Variants in COBL observed in about 807,000 individuals in gnomAD.
The protein encoded by COBL is cordon-bleu WH2 repeat protein.
Under a neutral mutation model 98.8 loss-of-function variants are expected in COBL, and 51 were observed. That is an observed-to-expected ratio of 0.52 (90% CI 0.41 to 0.65). The LOEUF is 0.65. COBL is among the 30% of genes least tolerant of loss of function. The probability of loss-of-function intolerance (pLI) is 0.00; values close to 1 mark genes in which losing one functional copy is unlikely to be tolerated. For synonymous variants in COBL, 634 were observed against 651.7 expected, an observed-to-expected ratio of 0.97 and a Z score of 0.41; for missense variants, 1,617 against 1,617.5, an observed-to-expected ratio of 1.00 and a Z score of 0.01.
chr7:51,209,549 A>G lies in COBL; in HGVS notation c.245+10192T>C, dbSNP rs185090930. 3.2e-4 allele frequency among the ~76,000 whole-genome samples: 49 copies of G among 152,342 alleles called. No homozygotes were observed. The East Asian group carries it at 7.7e-3, about 24-fold the overall frequency. ...CTCCAGGAAACAAAACAGGGAGAAC[A>G]TCACTATGCACATGCAGACACGACA... is the stretch of plus-strand genomic sequence containing the variant. On this transcript the variant is annotated intron_variant, in intron 2 of 12. Coordinates refer to ENST00000265136, the MANE Select transcript of COBL (RefSeq NM_015198.5).
intron 7 of COBL, among the ~76,000 whole-genome samples, chr7:51,044,787 G>A (rs1373412876): frequency 1.3e-5 from 2 of 152,134 alleles, no homozygotes; most frequent in Non-Finnish European, 1.5e-5. Flanking sequence ...CATCACAATT[G>A]CACTCAACAT....
intron 2 of COBL, among the ~76,000 whole-genome samples, chr7:51,203,439 G>A (rs1405203295): frequency 4.7e-5 from 5 of 106,186 alleles, no homozygotes; most frequent in Admixed American, 9.0e-5. Flanking sequence ...TCCAGCCTGG[G>A]CGACAGAGCG....
At chr7:51,084,871 C>T (rs1309642680) in intron 7 of COBL, among the ~76,000 whole-genome samples, 2 of 152,096 alleles carry the variant, frequency 1.3e-5, no homozygotes, top group African/African-American at 4.8e-5. Flanking sequence ...AGACACACGT[C>T]GCACACTCAC....
At chr7:51,226,520 C>T (rs1563062219) in intron 1 of COBL, among the ~76,000 whole-genome samples, 2 of 87,262 alleles carry the variant, frequency 2.3e-5, no homozygotes, top group African/African-American at 3.7e-5. Flanking sequence ...GTCACCACTG[C>T]GTTGAGTGAG....
intron 1 of COBL, among the ~76,000 whole-genome samples, chr7:51,284,613 G>A (rs1240909594): frequency 4.0e-5 from 6 of 151,864 alleles, no homozygotes; most frequent in Non-Finnish European, 2.9e-5. Flanking sequence ...TGGATCATGA[G>A]GTCAGGAGTT....
chr7:51,160,424 C>T (rs972236130), intron 5 of COBL, among the ~76,000 whole-genome samples: 1 of 152,146 alleles, frequency 6.6e-6, no homozygotes, highest in African/African-American at 2.4e-5. Context: ...CTTTGATTCA[C>T]GAATACATTT....
chr7:51,235,949 T>C (rs1795215261), intron 1 of COBL, among the ~76,000 whole-genome samples: 1 of 151,974 alleles, frequency 6.6e-6, no homozygotes, highest in Non-Finnish European at 1.5e-5. Flanking sequence ...ACACTTCAGC[T>C]TGGCTAAAGA....
rs185817241 is a variant in COBL at position 51,247,464 on chromosome 7, T to C, written c.42-27520A>G. On this transcript the variant is annotated intron_variant, in intron 1 of 12. Coordinates refer to ENST00000265136, the MANE Select transcript of COBL (RefSeq NM_015198.5). ...GGAAACGAAATAGGAATTTTTAAAA[T>C]CTTACACTTCAAGACAACTGGTTGG... is the stretch of plus-strand genomic sequence containing the variant. Among the ~76,000 whole-genome samples the C allele has an allele frequency of 8.3e-4, 127 of 152,364 alleles. 4 individuals are homozygous for C. The highest frequency in any genetic ancestry group is 2.2e-4 in the Non-Finnish European group (15 of 68,032).
intron 5 of COBL, among the ~76,000 whole-genome samples, chr7:51,177,971 C>T (rs547668923): frequency 3.3e-5 from 5 of 151,920 alleles, no homozygotes; most frequent in African/African-American, 9.7e-5. Context: ...TATGGTGAAA[C>T]CCGGTCTCTA....
rs1786321087 is a variant in COBL, at chr7:51,016,737, C to T, written c.*814G>A. 2.6e-6 allele frequency: 1 copy of T among 389,592 alleles called. No individual in the cohort carries two copies. The highest frequency in any genetic ancestry group is 4.5e-6 in the Non-Finnish European group (1 of 220,924). 24.1% of individuals were successfully genotyped at this position (389,592 alleles called of 1,614,324 possible). Reference sequence around the variant, plus strand: ...CCCAGTGAAGTCATCAGGCTCCGTACACAGGCACCGTGGGGGAGGCCTATG... The same window carrying T: ...CCCAGTGAAGTCATCAGGCTCCGTATACAGGCACCGTGGGGGAGGCCTATG... On this transcript the variant is annotated 3_prime_UTR_variant, in exon 13 of 13. Coordinates refer to ENST00000265136, the MANE Select transcript of COBL (RefSeq NM_015198.5).
chr7:51,246,176 G>A (rs185610045), intron 1 of COBL, among the ~76,000 whole-genome samples: 11 of 152,236 alleles, frequency 7.2e-5, no homozygotes, highest in Non-Finnish European at 1.6e-4. Flanking sequence ...AGAAAAGCAA[G>A]TATGTAAGTT....
intron 7 of COBL, among the ~76,000 whole-genome samples, chr7:51,067,441 T>C (rs576190589): frequency 5.3e-5 from 8 of 152,268 alleles, no homozygotes; most frequent in Non-Finnish European, 7.3e-5. Flanking sequence ...ACATGTATTG[T>C]GTGGGTATGC....
chr7:51,058,623 A>C (rs967076186), intron 7 of COBL, among the ~76,000 whole-genome samples: 3 of 152,144 alleles, frequency 2.0e-5, no homozygotes, highest in African/African-American at 7.2e-5. Context: ...CACTGTGCGG[A>C]TTCAACTGTG....
chr7:51,291,081 G>A (rs562376764), intron 1 of COBL, among the ~76,000 whole-genome samples: 30 of 152,312 alleles, frequency 2.0e-4, no homozygotes, highest in African/African-American at 5.5e-4. Flanking sequence ...TGCATGGAGC[G>A]CCAGAGCAAG....
chr7:51,017,695 C>T lies in COBL; in HGVS notation c.3769-127G>A, dbSNP rs140433942. 970 of 958,574 alleles carry T rather than the reference C, an allele frequency of 1.0e-3. 7 individuals carry two copies. The African/African-American group carries it at 0.014, about 13-fold the overall frequency. The allele number at this position is 958,574 out of a possible 1,614,324, so 59.4% of individuals were successfully genotyped here. A position where few individuals can be genotyped will look rare whatever the true frequency, so the allele number is the denominator to read the frequency against. ...TACTCCTGGAACCCCCTTCCCAGTT[C>T]CTTTGACCTGCAGAAAGGAGGCTGT... On this transcript the variant is annotated intron_variant, in intron 12 of 12. Transcript: ENST00000265136.
At chr7:51,126,001 T>C (rs1048557626) in intron 6 of COBL, among the ~76,000 whole-genome samples, 7 of 152,230 alleles carry the variant, frequency 4.6e-5, no homozygotes, top group African/African-American at 1.7e-4. Context: ...AAGAATGTTC[T>C]CCTCTGAATG....
intron 1 of COBL, among the ~76,000 whole-genome samples, chr7:51,265,564 T>A (rs1798121913): frequency 6.6e-6 from 1 of 152,094 alleles, no homozygotes; most frequent in Non-Finnish European, 1.5e-5. Context: ...CAGAGGACAG[T>A]GAAAAGGAGA....
At chr7:51,057,987 T>A (rs1790938066) in intron 7 of COBL, among the ~76,000 whole-genome samples, 1 of 152,218 alleles carries the variant, frequency 6.6e-6, no homozygotes, top group Non-Finnish European at 1.5e-5. Context: ...TTTTAGTTTT[T>A]AAAATGAAGT....
chr7:51,207,360 T>A, intron 2 of COBL, among the ~76,000 whole-genome samples: 1 of 152,286 alleles, frequency 6.6e-6, no homozygotes, highest in East Asian at 1.9e-4. Context: ...TGGAAGACTC[T>A]AAAATAAATA....
Sources: gnomAD v4.1 joint callset for allele counts (sites outside exome capture counted in the v4.1 genomes callset) on GRCh38, gnomAD v4.1.1 for gene constraint, MANE v1.5 for transcripts, NCBI Gene and HGNC (gene_info 2026-07-23, HGNC 2026-07-21) for gene names.